SLC9C1: variants seen among roughly 807,000 people sequenced by gnomAD.
SLC9C1 encodes sodium/hydrogen exchanger 10.
SLC9C1 carries 97 observed loss-of-function variants against 140.9 expected under a neutral mutation model. That is an observed-to-expected ratio of 0.69 (90% CI 0.58 to 0.82). The LOEUF (loss-of-function observed/expected upper bound fraction) is 0.82. Among genes scored for constraint, SLC9C1 ranks in the 40% least tolerant of loss-of-function variants. The probability of loss-of-function intolerance (pLI) is 0.00; values close to 1 mark genes in which losing one functional copy is unlikely to be tolerated. For missense variants in SLC9C1, 1,340 were observed against 1,389.3 expected, an observed-to-expected ratio of 0.96 and a Z score of 0.56; for synonymous variants, 440 against 442.6, an observed-to-expected ratio of 0.99 and a Z score of 0.07.
intron 15 of SLC9C1, among the ~76,000 whole-genome samples, chr3:112,214,061 A>G (rs919894710): frequency 2.0e-5 from 3 of 152,338 alleles, no homozygotes; most frequent in Admixed American, 6.5e-5. Context: ...AACTCACTCA[A>G]AATCGCTCAA....
At position 112,199,936 on chromosome 3, in the gene SLC9C1, T is replaced by C. The variant is rs554267355; in HGVS notation, c.2375-467A>G. Among the ~76,000 whole-genome samples the C allele has an allele frequency of 8.3e-4, 127 of 152,170 alleles. 1 individual carries two copies. Among genetic ancestry groups the C allele is most frequent in the Middle Eastern group, 6.8e-3 (2 of 294 alleles). Reference sequence around the variant, plus strand: ...CCAGTGCATCTAGATGACTCATACATTTATGCTCTTCTGCCCATTTCATCT... The same window carrying C: ...CCAGTGCATCTAGATGACTCATACACTTATGCTCTTCTGCCCATTTCATCT... On this transcript the variant is annotated intron_variant, in intron 19 of 28. Transcript: ENST00000305815.
rs929660488 is a variant in SLC9C1, at chr3:112,237,362, G to A, written c.1446+2478C>T. Among the ~76,000 whole-genome samples, 6 of 152,276 alleles carry A rather than the reference G, an allele frequency of 3.9e-5. No individual in the cohort carries two copies. The South Asian group carries it at 1.2e-3, about 32-fold the overall frequency. On this transcript the variant is annotated intron_variant, in intron 12 of 28. Transcript: ENST00000305815. ...TTATTTTGAGCCTATGTGCACGTGA[G>A]ATGGGTTTCCTGAATACAGCACACT...
Position 112,200,719 on chromosome 3 carries a change from T to A in SLC9C1, c.2366A>T (p.Lys789Ile), listed in dbSNP as rs1169503910. The change falls in exon 19 of 29, where the codon AAA becomes ATA. Residue 789 changes from lysine to isoleucine, a missense_variant. Coordinates refer to ENST00000305815, the MANE Select transcript of SLC9C1 (RefSeq NM_183061.3). The part of the protein sequence containing the change: ...QVIRNMEHAI[K>I]ELGYLEYDHP... ...GGATGAGAGCTACTTACCTAGCTCT[T>A]TTATAGCATGTTCCATATTCCTTAT... The A allele has an allele frequency of 2.5e-6, 4 of 1,609,880 alleles. No homozygotes were observed. The highest frequency in any genetic ancestry group is 2.5e-6 in the Non-Finnish European group (3 of 1,178,172).
At chr3:112,161,329 A>T (rs2075291948) in intron 26 of SLC9C1, among the ~76,000 whole-genome samples, 1 of 152,100 alleles carries the variant, frequency 6.6e-6, no homozygotes. Context: ...TGTGTTTTAG[A>T]CATGAAGTCC....
intron 23 of SLC9C1, among the ~76,000 whole-genome samples, chr3:112,174,676 A>G (rs1325939037): frequency 6.6e-6 from 1 of 152,058 alleles, no homozygotes; most frequent in African/African-American, 2.4e-5. Flanking sequence ...CATGTGCTGG[A>G]GGTGCCAGCA....
rs189954938 is a variant in SLC9C1 at position 112,143,531 on chromosome 3, G to A, written c.3525-2250C>T. Among the ~76,000 whole-genome samples, 12 of 152,224 alleles carry A rather than the reference G, an allele frequency of 7.9e-5. No individual in the cohort carries two copies. In the East Asian group the frequency reaches 1.7e-3, roughly 22 times the overall value. On this transcript the variant is annotated intron_variant, in intron 28 of 28. Coordinates refer to ENST00000305815, the MANE Select transcript of SLC9C1 (RefSeq NM_183061.3). ...TTTCATGTTTGCTGGCTGCTTGTAC[G>A]TCTTCATTTGAGAAGTGTCTGTCTA...
At chr3:112,203,295 A>T (rs1244881692) in intron 17 of SLC9C1, among the ~76,000 whole-genome samples, 1 of 151,954 alleles carries the variant, frequency 6.6e-6, no homozygotes, top group African/African-American at 2.4e-5. Context: ...TCTTCATCTG[A>T]ACTATTTGTT....
intron 11 of SLC9C1, among the ~76,000 whole-genome samples, chr3:112,243,644 GA>G (rs891772347): frequency 2.7e-5 from 4 of 149,904 alleles, no homozygotes; most frequent in African/African-American, 9.8e-5. Context: ...AATAAAATTT[GA>G]AAAAAATTAG....
rs548520404 is a variant in SLC9C1 at position 112,274,951 on chromosome 3, T to C, written c.559A>G (p.Thr187Ala). 4.4e-6 allele frequency: 7 copies of C among 1,576,586 alleles called. No homozygotes were observed. Among genetic ancestry groups the C allele is most frequent in the Non-Finnish European group, 6.0e-6 (7 of 1,168,294 alleles). ...MTSVISLITF[T>A]SIMDFDQRLQ... ...CTTTGGTCAAAATCCATAATACTAGTAAATGTAATTAATGATATAACAGAG... is the reference window on the plus strand; with the variant it reads ...CTTTGGTCAAAATCCATAATACTAGCAAATGTAATTAATGATATAACAGAG... The change falls in exon 6 of 29, where the codon ACT becomes GCT. Residue 187 changes from threonine (T) to alanine (A), a missense_variant. Thr to Ala is a moderately conservative substitution (Grantham distance 58). Transcript: ENST00000305815.
At chr3:112,292,303 C>T (rs536227832) in intron 1 of SLC9C1, among the ~76,000 whole-genome samples, 21 of 152,096 alleles carry the variant, frequency 1.4e-4, no homozygotes, top group Non-Finnish European at 8.8e-5. Flanking sequence ...AAAATTACCA[C>T]GAATCCTGTT....
intron 6 of SLC9C1, among the ~76,000 whole-genome samples, chr3:112,272,726 G>A (rs2080109540): frequency 6.6e-6 from 1 of 151,844 alleles, no homozygotes; most frequent in Non-Finnish European, 1.5e-5. Flanking sequence ...TTATTCCTCT[G>A]AAATACAAAA....
intron 26 of SLC9C1, among the ~76,000 whole-genome samples, chr3:112,159,428 T>A (rs1422648633): frequency 1.3e-5 from 2 of 152,076 alleles, no homozygotes; most frequent in Non-Finnish European, 2.9e-5. Context: ...TAAAAGATAT[T>A]TGATATAGTT....
At chr3:112,185,455 G>C in intron 20 of SLC9C1, 1 of 1,589,224 alleles carries the variant, frequency 6.3e-7, no homozygotes, top group Non-Finnish European at 8.6e-7. Context: ...CTATGAAACA[G>C]TTTTTTCCAG....
intron 10 of SLC9C1, among the ~76,000 whole-genome samples, chr3:112,253,714 A>AGAGT (rs1350677765): frequency 1.3e-5 from 2 of 152,210 alleles, no homozygotes; most frequent in Admixed American, 1.3e-4. Context: ...TCAAATGGCC[A>AGAGT]GAGTGTCTTA....
intron 13 of SLC9C1, among the ~76,000 whole-genome samples, chr3:112,223,460 A>C (rs1160124105): frequency 1.3e-5 from 2 of 152,242 alleles, no homozygotes; most frequent in African/African-American, 4.8e-5. Flanking sequence ...TGTCTACTCT[A>C]AAAGTACATC....
chr3:112,239,838 A>G lies in SLC9C1; in HGVS notation c.1446+2T>C. On this transcript the variant is annotated splice_donor_variant, in intron 12 of 28. Coordinates refer to ENST00000305815, the MANE Select transcript of SLC9C1 (RefSeq NM_183061.3). LOFTEE classifies it high-confidence loss of function. ...GCAATAAAAAAGATATTACTTGCTT[A>G]CCATGTATGGGTTTTCAAGTGTAAT... The G allele has an allele frequency of 6.2e-7, 1 of 1,604,182 alleles. No individual in the cohort carries two copies. Among genetic ancestry groups the G allele is most frequent in the African/African-American group, 1.3e-5 (1 of 74,666 alleles).
chr3:112,185,632 C>A (rs1409793049), intron 20 of SLC9C1: 2 of 1,575,860 alleles, frequency 1.3e-6, no homozygotes, highest in South Asian at 1.1e-5. Flanking sequence ...AGGCTCCTGA[C>A]CCGGAAAGCT....
At chr3:112,211,384 G>C (rs533743379) in intron 15 of SLC9C1, among the ~76,000 whole-genome samples, 1 of 63,568 alleles carries the variant, frequency 1.6e-5, no homozygotes, top group East Asian at 7.7e-3. Context: ...GCAGTGCACC[G>C]AGCATGACCG....
chr3:112,245,866 A>AT (rs1367900208), intron 10 of SLC9C1, among the ~76,000 whole-genome samples: 7 of 152,082 alleles, frequency 4.6e-5, no homozygotes, highest in African/African-American at 1.7e-4. Flanking sequence ...CAACAATGCC[A>AT]TGTTGTTTTC....
Sources: allele counts gnomAD v4.1 joint callset (sites outside exome capture counted in the v4.1 genomes callset), GRCh38; gene constraint gnomAD v4.1.1; transcripts MANE v1.5; gene names NCBI Gene and HGNC (gene_info 2026-07-23, HGNC 2026-07-21).